The following RASGRF2 variants were observed in gnomAD, a reference collection of about 807,000 sequenced individuals.
The protein encoded by RASGRF2 is Ras protein specific guanine nucleotide releasing factor 2, also known as ras-specific guanine nucleotide-releasing factor 2.
In RASGRF2, 76 loss-of-function variants were observed where a neutral mutation model predicts 151.0. The ratio of observed to expected loss-of-function variants is 0.50; its 90% CI spans 0.42 to 0.61. The LOEUF (loss-of-function observed/expected upper bound fraction) is 0.61. Ranked by LOEUF, RASGRF2 falls within the 20% of genes least tolerant of loss-of-function variation. RASGRF2 has a pLI of 0.00. For missense variants in RASGRF2, 1,148 were observed against 1,564.6 expected, an observed-to-expected ratio of 0.73 and a Z score of 4.49; for synonymous variants, 504 against 566.5, an observed-to-expected ratio of 0.89 and a Z score of 1.57.
At chr5:81,214,815 A>G (rs953365476) in intron 23 of RASGRF2, among the ~76,000 whole-genome samples, 2 of 152,204 alleles carry the variant, frequency 1.3e-5, no homozygotes, top group Non-Finnish European at 2.9e-5. Context: ...CCACTCTCCT[A>G]TGTTCATGGA....
chr5:81,160,683 A>AATAATAAT (rs1231448884), intron 17 of RASGRF2, among the ~76,000 whole-genome samples: 1 of 56,412 alleles, frequency 1.8e-5, no homozygotes, highest in Non-Finnish European at 3.0e-5. Context: ...CTGTCTCAAA[A>AATAATAAT]ATAATAATAA....
intron 14 of RASGRF2, 164 bp from the exon 15 acceptor site, chr5:81,113,374 G>T: frequency 1.3e-6 from 1 of 793,982 alleles, no homozygotes; most frequent in South Asian, 1.8e-5. Flanking sequence ...GTGCTTCTTT[G>T]GCAGGTGGAG....
At chr5:81,158,101 A>G (rs1754303786) in intron 17 of RASGRF2, among the ~76,000 whole-genome samples, 1 of 152,234 alleles carries the variant, frequency 6.6e-6, no homozygotes, top group Admixed American at 6.5e-5. Flanking sequence ...ATGTTGGAGG[A>G]CTTATACTTC....
At chr5:81,202,391 G>T (rs1232000474) in intron 19 of RASGRF2, among the ~76,000 whole-genome samples, 1 of 152,140 alleles carries the variant, frequency 6.6e-6, no homozygotes, top group East Asian at 1.9e-4. Context: ...GAATGTTTGT[G>T]TCATCCACAG....
Position 81,077,813 on chromosome 5 carries a change from G to C in RASGRF2, c.888-2308G>C, listed in dbSNP as rs529437587. ...GAGAGCTGCTATAAAGAGGAACAGA[G>C]AAACAGGGTGGTACCTAGAGGTAAA... On this transcript the variant is annotated intron_variant, in intron 5 of 26. Coordinates refer to ENST00000265080, the MANE Select transcript of RASGRF2 (RefSeq NM_006909.3). Among the ~76,000 whole-genome samples, 12 of 152,306 alleles carry C rather than the reference G, an allele frequency of 7.9e-5. No individual in the cohort carries two copies. The Middle Eastern group carries it at 0.01, about 130-fold the overall frequency.
intron 17 of RASGRF2, among the ~76,000 whole-genome samples, 163 bp from the exon 18 acceptor site, chr5:81,180,012 A>G (rs576426034): frequency 2.5e-4 from 38 of 152,304 alleles, no homozygotes; most frequent in Admixed American, 7.8e-4. Flanking sequence ...TGAGAGAGTA[A>G]TAGGTGAGCG....
intron 23 of RASGRF2, among the ~76,000 whole-genome samples, chr5:81,213,628 C>A (rs1399290346): frequency 6.6e-6 from 1 of 152,120 alleles, no homozygotes; most frequent in African/African-American, 2.4e-5. Context: ...ATTTCTTTTC[C>A]ATCTTCATTT....
intron 17 of RASGRF2, among the ~76,000 whole-genome samples, chr5:81,150,017 A>T (rs1258811907): frequency 1.3e-5 from 2 of 152,128 alleles, no homozygotes; most frequent in African/African-American, 4.8e-5. Flanking sequence ...TTCTGTTCTT[A>T]TTACTTTAAG....
intron 17 of RASGRF2, among the ~76,000 whole-genome samples, chr5:81,160,911 C>T (rs1412632207): frequency 3.9e-5 from 6 of 152,028 alleles, no homozygotes; most frequent in Admixed American, 1.3e-4. Context: ...CTGAAGCAAG[C>T]TTTGTAACAT....
At chr5:80,983,880 C>A (rs1288734848) in intron 1 of RASGRF2, among the ~76,000 whole-genome samples, 1 of 152,156 alleles carries the variant, frequency 6.6e-6, no homozygotes, top group Admixed American at 6.5e-5. Flanking sequence ...ACTTATTTCT[C>A]TTTACTTCTT....
At chr5:81,067,736 T>C (rs1422518098) in intron 2 of RASGRF2, among the ~76,000 whole-genome samples, 6 of 152,240 alleles carry the variant, frequency 3.9e-5, no homozygotes. Flanking sequence ...CACACTACTT[T>C]CTTTTTAAAA....
chr5:80,961,169 C>G (rs1580139755), intron 1 of RASGRF2, 143 bp downstream of exon 1: 1 of 923,434 alleles, frequency 1.1e-6, no homozygotes, highest in Middle Eastern at 3.6e-4. Flanking sequence ...AGTGGCGGGA[C>G]ATCTCCACGC....
chr5:80,983,991 C>T (rs1748396788), intron 1 of RASGRF2, among the ~76,000 whole-genome samples: 1 of 152,088 alleles, frequency 6.6e-6, no homozygotes, highest in African/African-American at 2.4e-5. Flanking sequence ...ATATAGCATC[C>T]AAGTTTATTG....
intron 7 of RASGRF2, among the ~76,000 whole-genome samples, 166 bp from the exon 8 acceptor site, chr5:81,085,636 G>A (rs578223625): frequency 1.6e-4 from 24 of 152,266 alleles, no homozygotes; most frequent in African/African-American, 5.5e-4. Flanking sequence ...TGCATGAAGT[G>A]TGAAGTGTAG....
intron 24 of RASGRF2, chr5:81,217,002 C>T (rs1303033725): frequency 4.4e-6 from 2 of 456,770 alleles, no homozygotes; most frequent in East Asian, 6.8e-5. Flanking sequence ...GAGGTAAGAC[C>T]ATAGAGGTTT....
chr5:81,041,099 C>T (rs1170701134), intron 1 of RASGRF2, among the ~76,000 whole-genome samples: 28 of 152,008 alleles, frequency 1.8e-4, no homozygotes, highest in Admixed American at 6.6e-5. Flanking sequence ...GTCAGAAGTT[C>T]GAGACCAGCC....
intron 17 of RASGRF2, among the ~76,000 whole-genome samples, chr5:81,175,727 C>T (rs1029362815): frequency 2.2e-5 from 3 of 137,596 alleles, no homozygotes; most frequent in African/African-American, 8.3e-5. Context: ...TGCACTCCAG[C>T]TTGGGCAACT....
At chr5:81,095,107 GT>G in intron 12 of RASGRF2, 115 bp downstream of exon 12, 2 of 687,804 alleles carry the variant, frequency 2.9e-6, no homozygotes, top group Non-Finnish European at 4.2e-6. Flanking sequence ...AGTTGCTATG[GT>G]CACTGCCATA....
At chr5:81,183,716 G>C (rs1004673942) in intron 18 of RASGRF2, among the ~76,000 whole-genome samples, 1 of 152,122 alleles carries the variant, frequency 6.6e-6, no homozygotes, top group African/African-American at 2.4e-5. Context: ...CAGAGTCAGG[G>C]GACCAGTGTT....
Sources: gnomAD v4.1 joint callset for allele counts (sites outside exome capture counted in the v4.1 genomes callset) on GRCh38, gnomAD v4.1.1 for gene constraint, MANE v1.5 for transcripts, NCBI Gene and HGNC (gene_info 2026-07-23, HGNC 2026-07-21) for gene names.